Variants in CSMD1 observed in about 807,000 individuals in gnomAD.
The protein encoded by CSMD1 is CUB and Sushi multiple domains 1, also known as CUB and sushi domain-containing protein 1.
In CSMD1, 213 loss-of-function variants were observed where a neutral mutation model predicts 417.5. The ratio of observed to expected loss-of-function variants is 0.51; its 90% confidence interval spans 0.46 to 0.57. The LOEUF (loss-of-function observed/expected upper bound fraction) is 0.57. Among genes scored for constraint, CSMD1 ranks in the 20% least tolerant of loss-of-function variants. CSMD1 has a pLI of 0.00. For missense variants in CSMD1, 6,923 were observed against 4,529.7 expected, an observed-to-expected ratio of 1.53 and a Z score of -15.17; for synonymous variants, 2,862 against 1,736.8, an observed-to-expected ratio of 1.65 and a Z score of -16.11.
chr8:4,916,175 G>C (rs563464450), intron 1 of CSMD1, among the ~76,000 whole-genome samples: 4 of 152,266 alleles, frequency 2.6e-5, no homozygotes, highest in Admixed American at 1.3e-4. Flanking sequence ...AAAGAAAGTA[G>C]AGTCCTCTCC....
chr8:4,074,819 T>C (rs1799737959), intron 3 of CSMD1, among the ~76,000 whole-genome samples: 3 of 152,152 alleles, frequency 2.0e-5, no homozygotes, highest in South Asian at 2.1e-4. Context: ...ATTTCCATGA[T>C]GCCTTTTTCT....
intron 52 of CSMD1, among the ~76,000 whole-genome samples, chr8:3,008,175 G>C (rs1314436689): frequency 6.6e-6 from 1 of 152,198 alleles, no homozygotes; most frequent in Non-Finnish European, 1.5e-5. Context: ...CAAAATGTCA[G>C]GAAGAAGGCT....
chr8:4,914,335 G>C (rs10094626), intron 1 of CSMD1, among the ~76,000 whole-genome samples: 39,031 of 151,974 alleles, frequency 0.26, 5,601 homozygotes, highest in East Asian at 0.52. Flanking sequence ...CCAACACTTT[G>C]GGAGACTGAG....
intron 1 of CSMD1, among the ~76,000 whole-genome samples, chr8:4,829,339 C>T (rs572869936): frequency 1.3e-5 from 2 of 152,286 alleles, no homozygotes; most frequent in South Asian, 2.1e-4. Flanking sequence ...ATTTAACCTA[C>T]ATTACGTGTC....
At chr8:4,452,368 A>G (rs1799197815) in intron 2 of CSMD1, among the ~76,000 whole-genome samples, 1 of 152,220 alleles carries the variant, frequency 6.6e-6, no homozygotes, top group African/African-American at 2.4e-5. Flanking sequence ...GACAAGTACA[A>G]TACAAAGGCG....
At chr8:3,632,145 GA>G (rs1292249698) in intron 7 of CSMD1, among the ~76,000 whole-genome samples, 1 of 152,138 alleles carries the variant, frequency 6.6e-6, no homozygotes, top group African/African-American at 2.4e-5. Context: ...TCCTGCTAGA[GA>G]AAAGGGATTT....
intron 42 of CSMD1, among the ~76,000 whole-genome samples, chr8:3,111,032 T>A (rs1012610415): frequency 2.6e-5 from 4 of 152,198 alleles, no homozygotes; most frequent in African/African-American, 9.7e-5. Flanking sequence ...AAATATAGTC[T>A]TTAATTTAAA....
chr8:3,505,220 T>C (rs1796774366), intron 10 of CSMD1, among the ~76,000 whole-genome samples: 1 of 152,064 alleles, frequency 6.6e-6, no homozygotes, highest in African/African-American at 2.4e-5. Context: ...CGCAATGCAA[T>C]AATGGATATA....
At chr8:3,752,696 A>AAAAAC (rs1797415062) in intron 6 of CSMD1, among the ~76,000 whole-genome samples, 1 of 111,274 alleles carries the variant, frequency 9.0e-6, no homozygotes, top group Non-Finnish European at 2.0e-5. Flanking sequence ...AAAAAAAAAA[A>AAAAAC]AAAAAAAACA....
chr8:4,630,147 T>G (rs2130839627), intron 2 of CSMD1, among the ~76,000 whole-genome samples: 1 of 152,266 alleles, frequency 6.6e-6, no homozygotes, highest in Non-Finnish European at 1.5e-5. Context: ...CTGTCAAAAC[T>G]TCCTCATAGT....
intron 12 of CSMD1, among the ~76,000 whole-genome samples, chr8:3,456,864 CTT>C (rs1816180447): frequency 6.6e-6 from 1 of 152,120 alleles, no homozygotes; most frequent in South Asian, 2.1e-4. Context: ...GCCCAGGTCT[CTT>C]GGCTAAGCTC....
chr8:3,602,051 G>T (rs999525894), intron 8 of CSMD1, among the ~76,000 whole-genome samples: 1 of 152,292 alleles, frequency 6.6e-6, no homozygotes, highest in South Asian at 2.1e-4. Context: ...AGGATAAAAA[G>T]AATTCTGGAG....
chr8:4,944,997 C>G (rs992280172), intron 1 of CSMD1, among the ~76,000 whole-genome samples: 1 of 152,246 alleles, frequency 6.6e-6, no homozygotes, highest in Middle Eastern at 3.4e-3. Flanking sequence ...GAGGTGGAAC[C>G]AACCCGTGTC....
chr8:4,561,284 G>A (rs887151492), intron 2 of CSMD1, among the ~76,000 whole-genome samples: 1 of 152,174 alleles, frequency 6.6e-6, no homozygotes, highest in African/African-American at 2.4e-5. Flanking sequence ...TGAGGCAGGG[G>A]AATCGTTTGA....
intron 1 of CSMD1, among the ~76,000 whole-genome samples, chr8:4,864,241 T>C (rs1477932437): frequency 4.0e-5 from 6 of 151,810 alleles, no homozygotes. Flanking sequence ...CAAAATAACA[T>C]ACTTAGCATT....
At chr8:2,964,071 C>G (rs1356461074) in intron 59 of CSMD1, among the ~76,000 whole-genome samples, 1 of 152,052 alleles carries the variant, frequency 6.6e-6, no homozygotes, top group Non-Finnish European at 1.5e-5. Context: ...CAAAGGGAGG[C>G]AAAAATCCAA....
chr8:4,277,374 A>T (rs1009064539), intron 3 of CSMD1, among the ~76,000 whole-genome samples: 7 of 152,090 alleles, frequency 4.6e-5, no homozygotes, highest in African/African-American at 1.7e-4. Context: ...TCATCTCTGA[A>T]TCTGAAGGTG....
In CSMD1 at chr8:3,018,459, G is replaced by T. The variant is rs372264792; in HGVS notation, c.8029+18C>A. ...GTTTATCTGCATTAAGTAAGTGCCA[G>T]AACACAGATGAATTTACCCAGACAT... On this transcript the variant is annotated intron_variant, in intron 52 of 69. Coordinates refer to ENST00000635120, the MANE Select transcript of CSMD1 (RefSeq NM_033225.6). 1.4e-4 allele frequency: 218 copies of T among 1,610,734 alleles called. 1 individual carries two copies. In the South Asian group the frequency reaches 1.8e-3, roughly 13 times the overall value.
chr8:4,353,036 A>G (rs543744468), intron 3 of CSMD1, among the ~76,000 whole-genome samples: 127 of 152,326 alleles, frequency 8.3e-4, no homozygotes, highest in African/African-American at 2.8e-3. Context: ...CTGAGTCTTA[A>G]TATATTAGAT....
Sources: gnomAD v4.1 joint callset for allele counts (sites outside exome capture counted in the v4.1 genomes callset) on GRCh38, gnomAD v4.1.1 for gene constraint, MANE v1.5 for transcripts, NCBI Gene and HGNC (gene_info 2026-07-23, HGNC 2026-07-21) for gene names.